ATP6V1C2: variants seen among roughly 807,000 people sequenced by gnomAD.
ATP6V1C2 encodes the protein V-type proton ATPase subunit C 2.
A neutral mutation model predicts 56.8 loss-of-function variants in ATP6V1C2; 45 were observed. The ratio of observed to expected loss-of-function variants is 0.79; its 90% CI spans 0.62 to 1.02. ATP6V1C2 has a LOEUF of 1.02. Ranked by LOEUF, ATP6V1C2 falls within the 50% of genes least tolerant of loss-of-function variation. The pLI, the probability that ATP6V1C2 is intolerant of heterozygous loss-of-function variation, is 0.00. For synonymous variants in ATP6V1C2, 220 were observed against 201.3 expected (o/e 1.09, Z -0.79); for missense variants, 463 against 519.7 (o/e 0.89, Z 1.06).
chr2:10,775,793 G>T (rs1664926422), intron 10 of ATP6V1C2, among the ~76,000 whole-genome samples: 1 of 152,194 alleles, frequency 6.6e-6, no homozygotes, highest in Admixed American at 6.5e-5. Flanking sequence ...CTTGGAAGGA[G>T]CCTGTCTGGG....
intron 11 of ATP6V1C2, among the ~76,000 whole-genome samples, chr2:10,778,243 G>A (rs1163014729): frequency 3.3e-5 from 5 of 152,212 alleles, no homozygotes; most frequent in South Asian, 2.1e-4. Flanking sequence ...CTGAGAAGGT[G>A]GGCTCCCTGG....
At chr2:10,731,795 G>A (rs1274584533) in intron 3 of ATP6V1C2, among the ~76,000 whole-genome samples, 1 of 151,970 alleles carries the variant, frequency 6.6e-6, no homozygotes, top group African/African-American at 2.4e-5. Context: ...GTGACATGGT[G>A]AAACCCCATC....
Position 10,774,987 on chromosome 2 carries a change from TC to T in ATP6V1C2, c.742del (p.Arg248ValfsTer49). 6.2e-7 allele frequency: 1 copy of T among 1,613,960 alleles called. No homozygotes were observed. Among genetic ancestry groups the T allele is most frequent in the Non-Finnish European group, 8.5e-7 (1 of 1,179,846 alleles). On this transcript the variant is annotated frameshift_variant, in exon 10 of 14. Transcript: ENST00000272238. LOFTEE classifies it high-confidence loss of function. ...TKAKENKFTV[R>X]EFYYDEKEIE... is the part of the protein sequence containing the mutation. ...ATTTGCTTGTTTTAAGGTTCACTGT[TC>T]GTGAATTTTACTATGATGAGAAGGA... is the stretch of plus-strand genomic sequence containing the variant.
At chr2:10,768,642 G>C in intron 5 of ATP6V1C2, 77 bp from the exon 6 acceptor site, 1 of 1,155,900 alleles carries the variant, frequency 8.7e-7, no homozygotes, top group Admixed American at 1.7e-5. Context: ...ACCATGAGCT[G>C]TTGTGGCCAT....
At chr2:10,751,630 A>G (rs1369160500) in intron 3 of ATP6V1C2, among the ~76,000 whole-genome samples, 3 of 152,162 alleles carry the variant, frequency 2.0e-5, no homozygotes, top group African/African-American at 4.8e-5. Flanking sequence ...TGGAGTCCAC[A>G]TAACGACTGG....
chr2:10,777,866 C>A, intron 11 of ATP6V1C2, 144 bp downstream of exon 11: 1 of 1,097,444 alleles, frequency 9.1e-7, no homozygotes, highest in Non-Finnish European at 1.3e-6. Context: ...GGAATCATGC[C>A]TTCCTCCTAA....
At chr2:10,781,926 G>A (rs900329916) in intron 12 of ATP6V1C2, among the ~76,000 whole-genome samples, 2 of 152,188 alleles carry the variant, frequency 1.3e-5, no homozygotes, top group Middle Eastern at 3.2e-3. Flanking sequence ...TTAGACAAAC[G>A]CCTTGGAGTC....
At chr2:10,767,617 C>G (rs1227156839) in intron 5 of ATP6V1C2, among the ~76,000 whole-genome samples, 3 of 152,002 alleles carry the variant, frequency 2.0e-5, no homozygotes, top group Admixed American at 6.6e-5. Flanking sequence ...ACCACCAAGC[C>G]CAGCCACTTT....
In ATP6V1C2 at chr2:10,780,320, C is replaced by G. The variant is rs1665268672; in HGVS notation, c.1061+1651C>G. Among the ~76,000 whole-genome samples the G allele has an allele frequency of 6.6e-6, 1 of 152,180 alleles. No individual in the cohort carries two copies. Among genetic ancestry groups the G allele is most frequent in the African/African-American group, 2.4e-5 (1 of 41,428 alleles). On this transcript the variant is annotated intron_variant, in intron 12 of 13. Coordinates refer to ENST00000272238, the MANE Select transcript of ATP6V1C2 (RefSeq NM_001039362.2). This position sits in a 1 kb window ranked among gnomAD's most constrained non-coding sequence, Gnocchi z 4.1. ...CCGGTCCACTCCGCCTTTGCACTCT[C>G]TCTTTCACGGGTCTGGCCCCACCGG...
intron 12 of ATP6V1C2, among the ~76,000 whole-genome samples, chr2:10,779,022 G>A (rs1403462996): frequency 3.9e-5 from 6 of 151,990 alleles, no homozygotes; most frequent in Admixed American, 3.9e-4. Context: ...GGCTGCCTCC[G>A]TCCTCAGCCT....
chr2:10,774,810 G>A lies in ATP6V1C2; in HGVS notation c.661G>A (p.Gly221Arg). 2.5e-6 allele frequency: 4 copies of A among 1,614,150 alleles called. No individual in the cohort carries two copies. Among genetic ancestry groups the A allele is most frequent in the Non-Finnish European group, 3.4e-6 (4 of 1,179,982 alleles). ...STKLITEDKE[G>R]GLFTVTLFRK... The stretch of plus-strand genomic sequence containing the variant: ...CAGACTCATTACTGAGGACAAGGAA[G>A]GGGGCCTTTTCACTGTGACTCTGTT... Residue 221 changes from glycine (G) to arginine (R), a missense_variant, in exon 9 of 14, where the codon GGG (glycine) becomes AGG (arginine). Coordinates refer to ENST00000272238, the MANE Select transcript of ATP6V1C2 (RefSeq NM_001039362.2).
intron 3 of ATP6V1C2, among the ~76,000 whole-genome samples, chr2:10,744,907 G>C (rs1270156238): frequency 1.3e-5 from 2 of 151,418 alleles, no homozygotes; most frequent in Admixed American, 6.6e-5. Context: ...TTGACCTCGT[G>C]ATCTGCCCGC....
chr2:10,755,226 G>T lies in ATP6V1C2; in HGVS notation c.283+1160G>T, dbSNP rs566075819. On this transcript the variant is annotated intron_variant, in intron 4 of 13. Transcript: ENST00000272238. Reference sequence around the variant, plus strand: ...TAGTTTTGTATTTTTAGTAGAGACGGGGTTTCTCCATGTTGGTCAGGCTGG... The same window carrying T: ...TAGTTTTGTATTTTTAGTAGAGACGTGGTTTCTCCATGTTGGTCAGGCTGG... Among the ~76,000 whole-genome samples the T allele has an allele frequency of 9.2e-5, 14 of 151,972 alleles. No homozygotes were observed. The South Asian group carries it at 2.9e-3, about 32-fold the overall frequency.
chr2:10,764,662 ACTT>A (rs1664118132), intron 5 of ATP6V1C2, among the ~76,000 whole-genome samples: 1 of 152,146 alleles, frequency 6.6e-6, no homozygotes. Context: ...TTGCTGCTCC[ACTT>A]CTTTTTTCAA....
At chr2:10,742,299 G>T (rs1027900499) in intron 3 of ATP6V1C2, among the ~76,000 whole-genome samples, 2 of 152,140 alleles carry the variant, frequency 1.3e-5, no homozygotes, top group African/African-American at 4.8e-5. Flanking sequence ...CCTTCTCTTT[G>T]GTGTTGCATA....
intron 5 of ATP6V1C2, among the ~76,000 whole-genome samples, chr2:10,767,010 C>A (rs569721963): frequency 6.6e-6 from 1 of 151,884 alleles, no homozygotes; most frequent in South Asian, 2.1e-4. Flanking sequence ...AATCTATAAT[C>A]ATTTCAAAAT....
At chr2:10,772,910 G>A (rs1734413) in intron 8 of ATP6V1C2, among the ~76,000 whole-genome samples, 53,714 of 152,154 alleles carry the variant, frequency 0.35, 10,124 homozygotes, top group East Asian at 0.64. Context: ...CTGTGTTCTC[G>A]GCTCAGCGTC....
In ATP6V1C2 at chr2:10,764,351, A is replaced by G. The variant is rs1572578019; in HGVS notation, c.304A>G (p.Thr102Ala). The G allele has an allele frequency of 1.9e-6, 3 of 1,613,702 alleles. No individual in the cohort carries two copies. The highest frequency in any genetic ancestry group is 2.5e-6 in the Non-Finnish European group (3 of 1,179,726). The change falls in exon 5 of 14, where the codon ACC becomes GCC. Residue 102 changes from threonine to alanine, a missense_variant. Thr to Ala is a moderately conservative substitution (Grantham distance 58). Transcript: ENST00000272238. Reference sequence around the variant, plus strand: ...TCCAGTTGACTTAACATCCTTTGTGACCCACTTTGAATGGGACATGGCCAA... The same window carrying G: ...TCCAGTTGACTTAACATCCTTTGTGGCCCACTTTGAATGGGACATGGCCAA... ...ANGVDLTSFV[T>A]HFEWDMAKYP...
intron 3 of ATP6V1C2, among the ~76,000 whole-genome samples, chr2:10,748,440 T>C (rs1663035994): frequency 6.6e-6 from 1 of 152,188 alleles, no homozygotes; most frequent in Non-Finnish European, 1.5e-5. Context: ...TAAATTTTTT[T>C]TTTTAAACAA....
Sources: allele counts gnomAD v4.1 joint callset (sites outside exome capture counted in the v4.1 genomes callset), GRCh38; gene constraint gnomAD v4.1.1; non-coding constraint Gnocchi (gnomAD v3.1); transcripts MANE v1.5; gene names NCBI Gene and HGNC (gene_info 2026-07-23, HGNC 2026-07-21).